Variants in NKAIN2 observed in about 807,000 individuals in gnomAD.
NKAIN2 encodes the protein sodium/potassium-transporting ATPase subunit beta-1-interacting protein 2.
Under a neutral mutation model 32.6 loss-of-function variants are expected in NKAIN2, and 14 were observed. That is an observed-to-expected ratio of 0.43 (90% confidence interval 0.28 to 0.67). The LOEUF (loss-of-function observed/expected upper bound fraction) is 0.67, where lower values mean the gene tolerates loss of function less well. Ranked by LOEUF, NKAIN2 falls within the 30% of genes least tolerant of loss-of-function variation. NKAIN2 has a pLI of 0.17. For synonymous variants in NKAIN2, 80 were observed against 87.2 expected (o/e 0.92, Z 0.46); for missense variants, 198 against 258.3 (o/e 0.77, Z 1.60).
intron 1 of NKAIN2, among the ~76,000 whole-genome samples, chr6:124,194,412 C>T (rs573124464): frequency 1.5e-4 from 23 of 151,962 alleles, no homozygotes; most frequent in South Asian, 4.1e-4. Flanking sequence ...CTTTCATTGA[C>T]GGCATACATT....
intron 1 of NKAIN2, among the ~76,000 whole-genome samples, chr6:124,186,861 T>G (rs1789768099): frequency 6.6e-6 from 1 of 152,210 alleles, no homozygotes; most frequent in African/African-American, 2.4e-5. Context: ...TTGCTATGCA[T>G]TTCAGAATTA....
At chr6:124,121,521 G>A (rs1785879781) in intron 1 of NKAIN2, among the ~76,000 whole-genome samples, 1 of 152,016 alleles carries the variant, frequency 6.6e-6, no homozygotes, top group Non-Finnish European at 1.5e-5. Flanking sequence ...TGCAATCAGA[G>A]TTTTTCAGAA....
chr6:124,509,830 A>G (rs1482476804), intron 3 of NKAIN2, among the ~76,000 whole-genome samples: 1 of 152,248 alleles, frequency 6.6e-6, no homozygotes, highest in East Asian at 1.9e-4. Context: ...AAGGCTGTAT[A>G]TCATAATAAA....
chr6:124,394,566 A>T (rs1177790322), intron 3 of NKAIN2, among the ~76,000 whole-genome samples: 2 of 151,878 alleles, frequency 1.3e-5, no homozygotes, highest in Admixed American at 1.3e-4. Flanking sequence ...TGACTCATGT[A>T]ATTATAGAGG....
At chr6:124,798,517 G>T (rs530955398) in intron 5 of NKAIN2, among the ~76,000 whole-genome samples, 2 of 152,196 alleles carry the variant, frequency 1.3e-5, no homozygotes, top group African/African-American at 4.8e-5. Flanking sequence ...CCCAGGCTTT[G>T]CACGCCACTA....
intron 5 of NKAIN2, among the ~76,000 whole-genome samples, chr6:124,793,679 C>CTTA (rs1779847231): frequency 7.0e-6 from 1 of 142,708 alleles, no homozygotes; most frequent in Non-Finnish European, 1.5e-5. Context: ...ACATACTGCT[C>CTTA]AAAAAAAAAA....
intron 5 of NKAIN2, among the ~76,000 whole-genome samples, chr6:124,812,064 ATTCATCAATGAATGACCGTCTCACT>A (rs1273660994): frequency 6.6e-6 from 1 of 152,158 alleles, no homozygotes; most frequent in Non-Finnish European, 1.5e-5. Context: ...ACTCGATAGC[ATTCATCAATGAATGACCGTCTCACT>A]GGAGTCCTTT....
chr6:124,501,301 A>G (rs1178613026), intron 3 of NKAIN2, among the ~76,000 whole-genome samples: 1 of 152,222 alleles, frequency 6.6e-6, no homozygotes, highest in Non-Finnish European at 1.5e-5. Context: ...CATTCAATAA[A>G]TGAGGACAGG....
At chr6:124,455,756 C>T (rs977545138) in intron 3 of NKAIN2, among the ~76,000 whole-genome samples, 5 of 151,800 alleles carry the variant, frequency 3.3e-5, no homozygotes, top group African/African-American at 1.2e-4. Context: ...TGGACATTTG[C>T]ATGTGCCTAT....
intron 3 of NKAIN2, among the ~76,000 whole-genome samples, chr6:124,411,237 G>T (rs1415302419): frequency 1.3e-5 from 2 of 152,048 alleles, no homozygotes; most frequent in East Asian, 1.9e-4. Context: ...ATGTTAGCTG[G>T]TTATTTTGCT....
At chr6:124,200,319 A>C (rs802277) in intron 1 of NKAIN2, among the ~76,000 whole-genome samples, 105,687 of 151,906 alleles carry the variant, frequency 0.7, 37,008 homozygotes, top group South Asian at 0.75. Context: ...CTTCTCATAG[A>C]CATGCATCAG....
At chr6:124,655,381 A>G (rs1370791669) in intron 3 of NKAIN2, among the ~76,000 whole-genome samples, 1 of 151,986 alleles carries the variant, frequency 6.6e-6, no homozygotes, top group Non-Finnish European at 1.5e-5. Flanking sequence ...TTAATGGTAT[A>G]TGTTTGCTTT....
chr6:124,066,862 TTGTGTGTGTGTGTGTG>T (rs10574288), intron 1 of NKAIN2, among the ~76,000 whole-genome samples: 1 of 149,610 alleles, frequency 6.7e-6, no homozygotes, highest in African/African-American at 2.5e-5. Flanking sequence ...TTTGCTGCGT[TTGTGTGTGTGTGTGTG>T]TGTGTGTGTG....
At chr6:124,241,332 G>A (rs895903225) in intron 1 of NKAIN2, among the ~76,000 whole-genome samples, 12 of 152,236 alleles carry the variant, frequency 7.9e-5, no homozygotes, top group African/African-American at 2.9e-4. Context: ...GTAATTTATA[G>A]ATTCAATGCT....
chr6:124,516,844 A>G (rs1400228250), intron 3 of NKAIN2, among the ~76,000 whole-genome samples: 1 of 152,144 alleles, frequency 6.6e-6, no homozygotes, highest in Admixed American at 6.6e-5. Flanking sequence ...TAAAATCTCA[A>G]AGTTGCATGG....
intron 1 of NKAIN2, among the ~76,000 whole-genome samples, chr6:124,132,704 A>G (rs573660772): frequency 6.4e-4 from 97 of 152,326 alleles, no homozygotes; most frequent in African/African-American, 2.3e-3. Context: ...CAGAATCTAC[A>G]TCACCCCCAG....
At chr6:124,381,369 T>C (rs568063609) in intron 3 of NKAIN2, among the ~76,000 whole-genome samples, 40 of 152,188 alleles carry the variant, frequency 2.6e-4, no homozygotes, top group Non-Finnish European at 4.7e-4. Flanking sequence ...TCAAAACTTT[T>C]ACAGTTCTCA....
chr6:124,767,768 C>G (rs1778575963), intron 4 of NKAIN2, among the ~76,000 whole-genome samples: 1 of 152,094 alleles, frequency 6.6e-6, no homozygotes, highest in Admixed American at 6.5e-5. Flanking sequence ...TTTTCTGCTT[C>G]TATTTTAGCT....
chr6:124,186,962 G>T (rs923118095), intron 1 of NKAIN2, among the ~76,000 whole-genome samples: 17 of 84,600 alleles, frequency 2.0e-4, no homozygotes, highest in African/African-American at 6.8e-4. Flanking sequence ...GAAAAGTACT[G>T]ATGATTTTTT....
Sources: gnomAD v4.1 joint callset for allele counts (sites outside exome capture counted in the v4.1 genomes callset) on GRCh38, gnomAD v4.1.1 for gene constraint, MANE v1.5 for transcripts, NCBI Gene and HGNC (gene_info 2026-07-23, HGNC 2026-07-21) for gene names.